The following AVP variants were observed in gnomAD, a reference collection of about 807,000 sequenced individuals.
AVP encodes the protein vasopressin-neurophysin 2-copeptin.
Under a neutral mutation model 11.1 loss-of-function variants are expected in AVP, and 9 were observed. That is an observed-to-expected ratio of 0.81 (90% CI 0.49 to 1.42). AVP has a LOEUF of 1.42. AVP is among the 40% of genes most tolerant of loss of function. The pLI, the probability that AVP is intolerant of heterozygous loss-of-function variation, is 0.00. For missense variants in AVP, 206 were observed against 238.5 expected (o/e 0.86, Z 0.90); for synonymous variants, 106 against 111.3 (o/e 0.95, Z 0.30).
rs1257821596 is a variant in AVP at position 3,083,027 on chromosome 20, G to GC, written c.271dup (p.Ala91GlyfsTer95). ...GGCGCAGCGGCCCCCGCTCCCGCACGCCTTCTGGCCGGACTGGCAGGGCGA... is the reference window on the plus strand; with the variant it reads ...GGCGCAGCGGCCCCCGCTCCCGCACGCCCTTCTGGCCGGACTGGCAGGGCGA... On this transcript the variant is annotated frameshift_variant, in exon 2 of 3. Coordinates refer to ENST00000380293, the MANE Select transcript of AVP (RefSeq NM_000490.5). LOFTEE classifies it high-confidence loss of function. The surrounding 1 kb of genome is among the most constrained non-coding windows in gnomAD (Gnocchi z 5.4). 3 of 1,526,294 alleles carry GC rather than the reference G, an allele frequency of 2.0e-6. No homozygotes were observed. Among genetic ancestry groups the GC allele is most frequent in the Admixed American group, 1.9e-5 (1 of 53,210 alleles). The allele number at this position is 1,526,294 out of a possible 1,614,324, so 94.5% of individuals were successfully genotyped here. A position where few individuals can be genotyped will look rare whatever the true frequency, so the allele number is the denominator to read the frequency against.
chr20:3,082,949 C>A lies in AVP; in HGVS notation c.322+28G>T. Reference sequence around the variant, plus strand: ...CCACCCAAGCGGTCTGCGCCCCCCCCAGCCCCAGGCCCGCCCCCGCCGCGC... The same window carrying A: ...CCACCCAAGCGGTCTGCGCCCCCCCAAGCCCCAGGCCCGCCCCCGCCGCGC... On this transcript the variant is annotated intron_variant, in intron 2 of 2. Transcript: ENST00000380293. This position sits in a 1 kb window ranked among gnomAD's most constrained non-coding sequence, Gnocchi z 4.7. The A allele has an allele frequency of 1.5e-6, 2 of 1,351,282 alleles. 1 individual carries two copies. The highest frequency in any genetic ancestry group is 3.5e-5 in the South Asian group (2 of 57,704). 83.7% of individuals were successfully genotyped at this position (1,351,282 alleles called of 1,614,324 possible).
chr20:3,082,931 A>C lies in AVP; in HGVS notation c.322+46T>G. 5 of 837,020 alleles carry C rather than the reference A, an allele frequency of 6.0e-6. No individual in the cohort carries two copies. The highest frequency in any genetic ancestry group is 4.7e-5 in the East Asian group (1 of 21,082). 51.8% of individuals were successfully genotyped at this position (837,020 alleles called of 1,614,324 possible). On this transcript the variant is annotated intron_variant, in intron 2 of 2. Coordinates refer to ENST00000380293, the MANE Select transcript of AVP (RefSeq NM_000490.5). The surrounding 1 kb of genome is among the most constrained non-coding windows in gnomAD (Gnocchi z 4.7). ...CGCAGGCCCGCGTCCCCCCCACCCA[A>C]GCGGTCTGCGCCCCCCCCAGCCCCA... is the stretch of plus-strand genomic sequence containing the variant.
rs556025430 is a variant in AVP, at chr20:3,084,622, G to C, written c.53C>G (p.Ser18Cys). The C allele has an allele frequency of 5.0e-6, 8 of 1,613,894 alleles. No individual in the cohort carries two copies. The African/African-American group carries it at 1.1e-4, about 21-fold the overall frequency. ...CGGGCAGTTCTGGAAGTAGCACGCGGAGGAGAAGGCCAGTAGGCCGAGGAA... is the reference window on the plus strand; with the variant it reads ...CGGGCAGTTCTGGAAGTAGCACGCGCAGGAGAAGGCCAGTAGGCCGAGGAA... ...ACFLGLLAFSSACYFQNCPRG... is the reference protein window; with the variant it reads ...ACFLGLLAFSCACYFQNCPRG... Residue 18 changes from serine (S) to cysteine (C), a missense_variant, in exon 1 of 3, where the codon TCC becomes TGC. Ser to Cys is a moderately radical substitution (Grantham distance 112). Transcript: ENST00000380293.
In AVP at chr20:3,084,590, C is replaced by G; in HGVS notation, c.85G>C (p.Gly29Arg). 1.9e-6 allele frequency: 3 copies of G among 1,613,966 alleles called. No homozygotes were observed. Among genetic ancestry groups the G allele is most frequent in the Non-Finnish European group, 2.5e-6 (3 of 1,180,040 alleles). ...ACYFQNCPRG[G>R]KRAMSDLELR... ...TCCAGGTCGGACATGGCCCTCTTGC[C>G]GCCCCTCGGGCAGTTCTGGAAGTAG... The change falls in exon 1 of 3, where the codon GGC (glycine) becomes CGC (arginine). Residue 29 changes from glycine to arginine, a missense_variant. Gly to Arg is a moderately radical substitution (Grantham distance 125). This residue lies in a region of AVP where 100 missense variants were observed against 149.3 expected (regional missense o/e 0.67). Coordinates refer to ENST00000380293, the MANE Select transcript of AVP (RefSeq NM_000490.5).
In AVP at chr20:3,083,414, G is replaced by GTCCTCACCC. The variant is rs1296710269; in HGVS notation, c.121-245_121-237dup. ...TGACCTCTCGGTGACAGCCCTCAGCGTCCTCACCCTCAGCTAGGGACGGGT... is the reference window on the plus strand; with the variant it reads ...TGACCTCTCGGTGACAGCCCTCAGCGTCCTCACCCTCCTCACCCTCAGCTAGGGACGGGT... On this transcript the variant is annotated intron_variant, in intron 1 of 2. Coordinates refer to ENST00000380293, the MANE Select transcript of AVP (RefSeq NM_000490.5). This position sits in a 1 kb window ranked among gnomAD's most constrained non-coding sequence, Gnocchi z 5.4. 1.3e-5 allele frequency among the ~76,000 whole-genome samples: 2 copies of GTCCTCACCC among 151,962 alleles called. No homozygotes were observed. The highest frequency in any genetic ancestry group is 2.9e-5 in the Non-Finnish European group (2 of 67,946).
rs1177299314 is a variant in AVP, at chr20:3,083,374, C to T, written c.121-196G>A. 6.6e-6 allele frequency among the ~76,000 whole-genome samples: 1 copy of T among 152,122 alleles called. No homozygotes were observed. Among genetic ancestry groups the T allele is most frequent in the Non-Finnish European group, 1.5e-5 (1 of 68,020 alleles). On this transcript the variant is annotated intron_variant, in intron 1 of 2. Transcript: ENST00000380293. The surrounding 1 kb of genome is among the most constrained non-coding windows in gnomAD (Gnocchi z 5.4). ...GCGGGGCGTCCAGATCTGCTCGGCA[C>T]CTTGGTTTCTTGGATGACCTCTCGG...
rs1304481115 is a variant in AVP at position 3,082,889 on chromosome 20, C to A, written c.323-87G>T. ...CCCACACCCTCCCTGCCGGGCCCGA[C>A]GCAGCCCCCACCCCGCCGCAGGCCC... On this transcript the variant is annotated intron_variant, in intron 2 of 2. Transcript: ENST00000380293. The surrounding 1 kb of genome is among the most constrained non-coding windows in gnomAD (Gnocchi z 4.7). The A allele has an allele frequency of 2.5e-6, 3 of 1,219,336 alleles. No homozygotes were observed. Among genetic ancestry groups the A allele is most frequent in the South Asian group, 6.9e-5 (2 of 29,006 alleles). 75.5% of individuals were successfully genotyped at this position (1,219,336 alleles called of 1,614,324 possible).
In AVP at chr20:3,082,893, G is replaced by GGGCC; in HGVS notation, c.322+83_322+84insGGCC. 3.4e-6 allele frequency: 4 copies of GGGCC among 1,191,520 alleles called. No homozygotes were observed. Among genetic ancestry groups the GGGCC allele is most frequent in the Non-Finnish European group, 4.2e-6 (4 of 953,838 alleles). 73.8% of individuals were successfully genotyped at this position (1,191,520 alleles called of 1,614,324 possible). A position where few individuals can be genotyped will look rare whatever the true frequency, so the allele number is the denominator to read the frequency against. On this transcript the variant is annotated intron_variant, in intron 2 of 2. Transcript: ENST00000380293. This position sits in a 1 kb window ranked among gnomAD's most constrained non-coding sequence, Gnocchi z 4.7. ...CACCCTCCCTGCCGGGCCCGACGCA[G>GGGCC]CCCCCACCCCGCCGCAGGCCCGCGT... is the stretch of plus-strand genomic sequence containing the variant.
chr20:3,084,470 T>C, intron 1 of AVP, 85 bp downstream of exon 1: 2 of 1,602,816 alleles, frequency 1.2e-6, no homozygotes, highest in Non-Finnish European at 1.7e-6. Flanking sequence ...CCACCACCCA[T>C]GACTTCCCTC....
At position 3,084,710 on chromosome 20, in the gene AVP, GC is replaced by G; in HGVS notation, c.-37del. The G allele has an allele frequency of 6.2e-7, 1 of 1,611,116 alleles. No individual in the cohort carries two copies. The highest frequency in any genetic ancestry group is 1.7e-5 in the Admixed American group (1 of 60,028). On this transcript the variant is annotated 5_prime_UTR_variant, in exon 1 of 3. Coordinates refer to ENST00000380293, the MANE Select transcript of AVP (RefSeq NM_000490.5). ...ACAGGTGGACCCCGTATGCAGCACT[GC>G]TTGGTGGCTCTGTGCTGCTGCCTCT... is the stretch of plus-strand genomic sequence containing the variant.
chr20:3,083,675 G>A lies in AVP; in HGVS notation c.121-497C>T, dbSNP rs138561719. On this transcript the variant is annotated intron_variant, in intron 1 of 2. Coordinates refer to ENST00000380293, the MANE Select transcript of AVP (RefSeq NM_000490.5). This position sits in a 1 kb window ranked among gnomAD's most constrained non-coding sequence, Gnocchi z 5.4. ...CTGTCTCCTCTCTTGCCTTGCCCCTGGCCCCCGCCAAGCTTGTCGGCCTCA... is the reference window on the plus strand; with the variant it reads ...CTGTCTCCTCTCTTGCCTTGCCCCTAGCCCCCGCCAAGCTTGTCGGCCTCA... Among the ~76,000 whole-genome samples the A allele has an allele frequency of 1.1e-4, 17 of 152,164 alleles. No individual in the cohort carries two copies. The highest frequency in any genetic ancestry group is 4.6e-4 in the Admixed American group (7 of 15,278).
At position 3,082,918 on chromosome 20, in the gene AVP, T is replaced by TG; in HGVS notation, c.322+58_322+59insC. On this transcript the variant is annotated intron_variant, in intron 2 of 2. Coordinates refer to ENST00000380293, the MANE Select transcript of AVP (RefSeq NM_000490.5). The surrounding 1 kb of genome is among the most constrained non-coding windows in gnomAD (Gnocchi z 4.7). ...GCCCCCACCCCGCCGCAGGCCCGCGTCCCCCCCACCCAAGCGGTCTGCGCC... is the reference window on the plus strand; with the variant it reads ...GCCCCCACCCCGCCGCAGGCCCGCGTGCCCCCCCACCCAAGCGGTCTGCGCC... 2.1e-6 allele frequency: 1 copy of TG among 476,026 alleles called. No individual in the cohort carries two copies. Among genetic ancestry groups the TG allele is most frequent in the Non-Finnish European group, 2.9e-6 (1 of 345,030 alleles). The allele number at this position is 476,026 out of a possible 1,614,324, so 29.5% of individuals were successfully genotyped here. A position where few individuals can be genotyped will look rare whatever the true frequency, so the allele number is the denominator to read the frequency against.
chr20:3,082,624 CG>C lies in AVP; in HGVS notation c.*5del. 3 of 1,252,858 alleles carry C rather than the reference CG, an allele frequency of 2.4e-6. No homozygotes were observed. In the East Asian group the frequency reaches 9.6e-5, roughly 40 times the overall value. The allele number at this position is 1,252,858 out of a possible 1,614,324, so 77.6% of individuals were successfully genotyped here. ...GAAGAGCGCGCCGGTGGGGCGAGCG[CG>C]GGGCTCAGTAGGCGTCGGGCTGGGC... On this transcript the variant is annotated 3_prime_UTR_variant, in exon 3 of 3. Coordinates refer to ENST00000380293, the MANE Select transcript of AVP (RefSeq NM_000490.5). This position sits in a 1 kb window ranked among gnomAD's most constrained non-coding sequence, Gnocchi z 4.7.
intron 1 of AVP, among the ~76,000 whole-genome samples, chr20:3,084,252 G>A (rs1046513881): frequency 1.3e-5 from 2 of 152,108 alleles, no homozygotes; most frequent in Non-Finnish European, 2.9e-5. Context: ...ATGATGCCCC[G>A]TTCTCCCTAT....
Position 3,082,853 on chromosome 20 carries a change from G to T in AVP, c.323-51C>A, listed in dbSNP as rs1290416628. The T allele has an allele frequency of 2.5e-6, 3 of 1,220,174 alleles. No individual in the cohort carries two copies. The highest frequency in any genetic ancestry group is 3.1e-6 in the Non-Finnish European group (3 of 981,546). The allele number at this position is 1,220,174 out of a possible 1,614,324, so 75.6% of individuals were successfully genotyped here. ...GCGCCCTGGGGCGGGCGCAGCTCGG[G>T]GTGCGGGGGGCCCACACCCTCCCTG... is the stretch of plus-strand genomic sequence containing the variant. On this transcript the variant is annotated intron_variant, in intron 2 of 2. Transcript: ENST00000380293. This position sits in a 1 kb window ranked among gnomAD's most constrained non-coding sequence, Gnocchi z 4.7.
rs1170634388 is a variant in AVP at position 3,083,522 on chromosome 20, C to T, written c.121-344G>A. On this transcript the variant is annotated intron_variant, in intron 1 of 2. Coordinates refer to ENST00000380293, the MANE Select transcript of AVP (RefSeq NM_000490.5). The surrounding 1 kb of genome is among the most constrained non-coding windows in gnomAD (Gnocchi z 5.4). ...GGCGCCACTGTTGCAGCTGCCCCAC[C>T]CTCCACCACTCCAGACCCTTCCTCC... Among the ~76,000 whole-genome samples the T allele has an allele frequency of 6.6e-6, 1 of 152,154 alleles. No individual in the cohort carries two copies. The highest frequency in any genetic ancestry group is 1.5e-5 in the Non-Finnish European group (1 of 68,022).
In AVP at chr20:3,082,653, G is replaced by A; in HGVS notation, c.472C>T (p.Pro158Ser). ...GCTCAGTAGGCGTCGGGCTGGGCGG[G>A]CTCGAAGGGCTCGGGCGCCCCGGCC... ...QLAGAPEPFE[P>S]AQPDAY The change falls in exon 3 of 3, where the codon CCC becomes TCC. Residue 158 changes from proline (P) to serine (S), a missense_variant. Pro to Ser is a moderately conservative substitution (Grantham distance 74, BLOSUM62 -1). Transcript: ENST00000380293. This position sits in a 1 kb window ranked among gnomAD's most constrained non-coding sequence, Gnocchi z 4.7. 2 of 1,280,140 alleles carry A rather than the reference G, an allele frequency of 1.6e-6. No homozygotes were observed. The highest frequency in any genetic ancestry group is 2.0e-6 in the Non-Finnish European group (2 of 1,017,602). 79.3% of individuals were successfully genotyped at this position (1,280,140 alleles called of 1,614,324 possible).
At position 3,083,462 on chromosome 20, in the gene AVP, G is replaced by A. The variant is rs1193372248; in HGVS notation, c.121-284C>T. ...GGTCTCCCGTGGACTACAGCGTGGG[G>A]AACCCTTCCTCGAGCCTCGGGGTCA... On this transcript the variant is annotated intron_variant, in intron 1 of 2. Transcript: ENST00000380293. The surrounding 1 kb of genome is among the most constrained non-coding windows in gnomAD (Gnocchi z 5.4). Among the ~76,000 whole-genome samples the A allele has an allele frequency of 6.6e-6, 1 of 152,136 alleles. No individual in the cohort carries two copies. Among genetic ancestry groups the A allele is most frequent in the African/African-American group, 2.4e-5 (1 of 41,414 alleles).
Position 3,082,852 on chromosome 20 carries a change from G to A in AVP, c.323-50C>T. 1 of 1,220,214 alleles carries A rather than the reference G, an allele frequency of 8.2e-7. No individual in the cohort carries two copies. Among genetic ancestry groups the A allele is most frequent in the Non-Finnish European group, 1.0e-6 (1 of 981,460 alleles). The allele number at this position is 1,220,214 out of a possible 1,614,324, so 75.6% of individuals were successfully genotyped here. ...GGCGCCCTGGGGCGGGCGCAGCTCG[G>A]GGTGCGGGGGGCCCACACCCTCCCT... On this transcript the variant is annotated intron_variant, in intron 2 of 2. Coordinates refer to ENST00000380293, the MANE Select transcript of AVP (RefSeq NM_000490.5). This position sits in a 1 kb window ranked among gnomAD's most constrained non-coding sequence, Gnocchi z 4.7.
Sources: gnomAD v4.1 joint callset for allele counts (sites outside exome capture counted in the v4.1 genomes callset) on GRCh38, gnomAD v4.1.1 for gene constraint, gnomAD v4.1.1 regional missense constraint, Gnocchi (gnomAD v3.1) non-coding constraint, MANE v1.5 for transcripts, NCBI Gene and HGNC (gene_info 2026-07-23, HGNC 2026-07-21) for gene names.